Variants in NAA11 observed in about 807,000 individuals in gnomAD.
NAA11 encodes N-alpha-acetyltransferase 11, NatA catalytic subunit.
A neutral mutation model predicts 16.1 loss-of-function variants in NAA11; 15 were observed. That is an observed-to-expected ratio of 0.93 (90% CI 0.62 to 1.44). The LOEUF is 1.44. Among genes scored for constraint, NAA11 ranks in the 40% most tolerant of loss-of-function variants. The pLI is 0.00. For missense variants in NAA11, 298 were observed against 291.3 expected, an observed-to-expected ratio of 1.02 and a Z score of -0.17; for synonymous variants, 122 against 112.4, an observed-to-expected ratio of 1.09 and a Z score of -0.54.
intron 2 of NAA11, among the ~76,000 whole-genome samples, chr4:79,254,447 G>A (rs1722058515): frequency 6.6e-6 from 1 of 152,064 alleles, no homozygotes; most frequent in Admixed American, 6.5e-5. Flanking sequence ...GTAAACCATG[G>A]ATTAATCTAG....
intron 1 of NAA11, among the ~76,000 whole-genome samples, chr4:79,310,086 A>G (rs181247480): frequency 1.3e-5 from 2 of 152,250 alleles, no homozygotes; most frequent in East Asian, 3.9e-4. Flanking sequence ...TCATCTGTGA[A>G]CCACTCATTT....
chr4:79,163,324 T>G, the NAA11 span, among the ~76,000 whole-genome samples: 2 of 152,146 alleles, frequency 1.3e-5, no homozygotes, highest in African/African-American at 2.4e-5. Flanking sequence ...TGCGTGAGGC[T>G]TTGCTGTGAA....
At chr4:79,244,555 A>T (rs7684862) in intron 2 of NAA11, 105,797 of 149,204 alleles carry the variant, frequency 0.71, 39,751 homozygotes, top group East Asian at 0.89. Flanking sequence ...ACTACTAAGT[A>T]AACTAAAATG....
chr4:79,294,002 TACCTTCTC>T (rs1488260155), intron 2 of NAA11: 8 of 152,518 alleles, frequency 5.2e-5, no homozygotes, highest in African/African-American at 1.9e-4. Flanking sequence ...AACCCTCTCT[TACCTTCTC>T]ACCTTCATGG....
At chr4:79,308,579 A>G (rs1723661569) in intron 1 of NAA11, 1 of 152,200 alleles carries the variant, frequency 6.6e-6, no homozygotes, top group Non-Finnish European at 1.5e-5. Flanking sequence ...TTTCGTCCTT[A>G]CAGCTAAGCC....
At chr4:79,185,337 C>A in the NAA11 span, among the ~76,000 whole-genome samples, 1 of 152,174 alleles carries the variant, frequency 6.6e-6, no homozygotes, top group Non-Finnish European at 1.5e-5. Flanking sequence ...CCTCAGACAG[C>A]ACCTTTTTCC....
intron 2 of NAA11, among the ~76,000 whole-genome samples, chr4:79,273,535 G>C (rs2129132): frequency 1.3e-5 from 2 of 151,594 alleles, no homozygotes; most frequent in East Asian, 1.9e-4. Context: ...ATGTTGTATC[G>C]GCAAGGAGGT....
chr4:79,317,634 A>T lies in NAA11; in HGVS notation c.*170T>A, dbSNP rs2110014815. ...TCTTGTGTCCAGGTATTCCTTCATG[A>T]TCCCAGCAGGATATGTGAAAGGTGG... On this transcript the variant is annotated 3_prime_UTR_variant, in exon 2 of 2. Transcript: ENST00000286794. 1 of 152,330 alleles carries T rather than the reference A, an allele frequency of 6.6e-6. No homozygotes were observed. The highest frequency in any genetic ancestry group is 2.1e-4 in the South Asian group (1 of 4,818). 9.4% of individuals were successfully genotyped at this position (152,330 alleles called of 1,614,324 possible).
intron 1 of NAA11, among the ~76,000 whole-genome samples, chr4:79,299,891 A>T (rs989604721): frequency 6.6e-6 from 1 of 150,878 alleles, no homozygotes; most frequent in Admixed American, 6.6e-5. Flanking sequence ...CTAAGGAATG[A>T]TTTTGTTAGC....
At chr4:79,268,123 T>C (rs2109978253) in intron 2 of NAA11, among the ~76,000 whole-genome samples, 1 of 152,254 alleles carries the variant, frequency 6.6e-6, no homozygotes, top group Admixed American at 6.5e-5. Context: ...CATTGATGAA[T>C]CTGAAGGAAA....
At chr4:79,223,362 G>A (rs1034309670), downstream of NAA11, among the ~76,000 whole-genome samples, 1 of 150,118 alleles carries the variant, frequency 6.7e-6, no homozygotes, top group Non-Finnish European at 1.5e-5. Context: ...GGATGAAATT[G>A]GAAATCATCA....
At chr4:79,177,976 G>T in the NAA11 span, among the ~76,000 whole-genome samples, 2 of 152,026 alleles carry the variant, frequency 1.3e-5, no homozygotes, top group Non-Finnish European at 2.9e-5. Context: ...TAATTTAATT[G>T]TTCTCATAGC....
chr4:79,309,480 G>C (rs1217744450), intron 1 of NAA11, among the ~76,000 whole-genome samples: 1 of 151,994 alleles, frequency 6.6e-6, no homozygotes, highest in African/African-American at 2.4e-5. Context: ...ATTATATTTG[G>C]TAAAACACAT....
At chr4:79,214,294 A>G in the NAA11 span, among the ~76,000 whole-genome samples, 1 of 152,192 alleles carries the variant, frequency 6.6e-6, no homozygotes, top group African/African-American at 2.4e-5. Flanking sequence ...ATATGACAGA[A>G]TTTAGTTGGA....
chr4:79,271,915 C>T (rs532938911), intron 2 of NAA11, among the ~76,000 whole-genome samples: 28 of 151,642 alleles, frequency 1.8e-4, no homozygotes, highest in Non-Finnish European at 4.4e-5. Context: ...GATCATTAAG[C>T]GTATGTAAAG....
At chr4:79,220,078 T>C in the NAA11 span, among the ~76,000 whole-genome samples, 13 of 152,206 alleles carry the variant, frequency 8.5e-5, no homozygotes, top group Admixed American at 7.9e-4. Flanking sequence ...TGCTCACTGC[T>C]ACAAGACTGT....
At chr4:79,288,689 A>G (rs924863250) in intron 2 of NAA11, among the ~76,000 whole-genome samples, 1 of 152,212 alleles carries the variant, frequency 6.6e-6, no homozygotes, top group African/African-American at 2.4e-5. Context: ...TTTCAATGAA[A>G]TAGCAAAATT....
At chr4:79,286,914 G>T (rs1722952285) in intron 2 of NAA11, among the ~76,000 whole-genome samples, 1 of 151,888 alleles carries the variant, frequency 6.6e-6, no homozygotes, top group Admixed American at 6.6e-5. Flanking sequence ...AAACATTTTG[G>T]CACATGGGAA....
chr4:79,191,191 A>C, the NAA11 span, among the ~76,000 whole-genome samples: 3 of 152,164 alleles, frequency 2.0e-5, no homozygotes, highest in African/African-American at 7.2e-5. Context: ...TATACCCAGC[A>C]ATGGGATTGC....
Sources: gnomAD v4.1 joint callset for allele counts (sites outside exome capture counted in the v4.1 genomes callset) on GRCh38, gnomAD v4.1.1 for gene constraint, MANE v1.5 for transcripts, NCBI Gene and HGNC (gene_info 2026-07-23, HGNC 2026-07-21) for gene names.